Variants in IPO7 observed in about 807,000 individuals in gnomAD.
The protein encoded by IPO7 is importin-7.
IPO7 carries 13 observed loss-of-function variants against 136.4 expected under a neutral mutation model. The observed-to-expected ratio is 0.10, with a 90% confidence interval of 0.06 to 0.15. The LOEUF (loss-of-function observed/expected upper bound fraction) is 0.15. IPO7 is among the 10% of genes least tolerant of loss of function. The pLI, the probability that IPO7 is intolerant of heterozygous loss-of-function variation, is 1.00. For missense variants in IPO7, 857 were observed against 1,240.6 expected, an observed-to-expected ratio of 0.69 and a Z score of 4.65; for synonymous variants, 403 against 404.4, an observed-to-expected ratio of 1.00 and a Z score of 0.04.
At chr11:9,396,449 A>G (rs1182066770) in intron 1 of IPO7, among the ~76,000 whole-genome samples, 1 of 152,214 alleles carries the variant, frequency 6.6e-6, no homozygotes, top group African/African-American at 2.4e-5. Flanking sequence ...CGATTTAACT[A>G]TTCACACATT....
intron 6 of IPO7, among the ~76,000 whole-genome samples, chr11:9,419,559 AATATATATAT>A (rs1244588095): frequency 8.6e-6 from 1 of 116,866 alleles, no homozygotes; most frequent in African/African-American, 3.8e-5. Context: ...AAAAAAAAAA[AATATATATAT>A]ATATATATAT....
chr11:9,437,180 C>T (rs1212971401), intron 20 of IPO7, among the ~76,000 whole-genome samples: 4 of 151,800 alleles, frequency 2.6e-5, no homozygotes, highest in Non-Finnish European at 5.9e-5. Flanking sequence ...AGCCACGTCA[C>T]CCGGCCCACG....
intron 5 of IPO7, among the ~76,000 whole-genome samples, chr11:9,416,293 A>T (rs922418792): frequency 1.3e-5 from 2 of 152,080 alleles, no homozygotes; most frequent in African/African-American, 2.4e-5. Context: ...GGTATCTCCC[A>T]CTCTGAATCT....
Position 9,384,911 on chromosome 11 carries a change from C to T in IPO7, c.84+64C>T, listed in dbSNP as rs1274584535. The T allele has an allele frequency of 6.7e-6, 9 of 1,333,542 alleles. No individual in the cohort carries two copies. The African/African-American group carries it at 7.3e-5, about 11-fold the overall frequency. The allele number at this position is 1,333,542 out of a possible 1,614,324, so 82.6% of individuals were successfully genotyped here. A position where few individuals can be genotyped will look rare whatever the true frequency, so the allele number is the denominator to read the frequency against. On this transcript the variant is annotated intron_variant, in intron 1 of 24. Transcript: ENST00000379719. Reference sequence around the variant, plus strand: ...GTGGGCAGAAGTGGCAGGCCGAGCCCCCGGGGCCTGGCCGGAGGCGCGGAC... The same window carrying T: ...GTGGGCAGAAGTGGCAGGCCGAGCCTCCGGGGCCTGGCCGGAGGCGCGGAC...
Position 9,447,242 on chromosome 11 carries a change from A to G in IPO7, c.*2048A>G, listed in dbSNP as rs1855541757. ...TCTAATAAAGGTTTTAGTTATTCCCATGCACAGTATGAAAATTCTCATTTG... is the reference window on the plus strand; with the variant it reads ...TCTAATAAAGGTTTTAGTTATTCCCGTGCACAGTATGAAAATTCTCATTTG... On this transcript the variant is annotated 3_prime_UTR_variant, in exon 25 of 25. Coordinates refer to ENST00000379719, the MANE Select transcript of IPO7 (RefSeq NM_006391.3). 6.6e-6 allele frequency: 1 copy of G among 152,174 alleles called. No individual in the cohort carries two copies. The allele number at this position is 152,174 out of a possible 1,614,324, so 9.4% of individuals were successfully genotyped here. A position where few individuals can be genotyped will look rare whatever the true frequency, so the allele number is the denominator to read the frequency against.
intron 21 of IPO7, 29 bp from the exon 22 acceptor site, chr11:9,438,051 T>TTTTG: frequency 9.4e-6 from 4 of 424,384 alleles, no homozygotes; most frequent in African/African-American, 3.1e-5. Context: ...AACAGTTTTT[T>TTTTG]TTTTTTTTTT....
chr11:9,389,482 A>G (rs541284527), intron 1 of IPO7, among the ~76,000 whole-genome samples: 46 of 152,328 alleles, frequency 3.0e-4, no homozygotes, highest in African/African-American at 1.1e-3. Flanking sequence ...AGAGAAATTT[A>G]TGATCACTGC....
chr11:9,404,777 A>G (rs1260846838), intron 2 of IPO7, among the ~76,000 whole-genome samples: 3 of 152,012 alleles, frequency 2.0e-5, no homozygotes, highest in Admixed American at 1.3e-4. Flanking sequence ...CGTATTTGCC[A>G]GGATGGTCTC....
chr11:9,411,494 A>G (rs1393807693), intron 4 of IPO7, among the ~76,000 whole-genome samples: 1 of 152,170 alleles, frequency 6.6e-6, no homozygotes, highest in Non-Finnish European at 1.5e-5. Flanking sequence ...TTTAGTGGGT[A>G]GTGAGGAGAC....
chr11:9,387,715 C>G (rs757370610), intron 1 of IPO7, among the ~76,000 whole-genome samples: 7 of 151,490 alleles, frequency 4.6e-5, no homozygotes, highest in Non-Finnish European at 1.0e-4. Flanking sequence ...CTTGTAATCC[C>G]AGCTACTCAG....
intron 1 of IPO7, among the ~76,000 whole-genome samples, chr11:9,399,631 G>C (rs551402095): frequency 1.3e-5 from 2 of 152,254 alleles, no homozygotes; most frequent in South Asian, 4.2e-4. Flanking sequence ...GCTTTGTAAA[G>C]ATAGTGATTG....
At chr11:9,417,347 A>G (rs1171784909) in intron 6 of IPO7, among the ~76,000 whole-genome samples, 199 bp downstream of exon 6, 1 of 152,130 alleles carries the variant, frequency 6.6e-6, no homozygotes, top group Non-Finnish European at 1.5e-5. Context: ...AAAGTTGTAA[A>G]GGGTGTTTTT....
intron 2 of IPO7, among the ~76,000 whole-genome samples, chr11:9,403,759 A>G (rs1224992470): frequency 2.6e-5 from 4 of 152,226 alleles, no homozygotes; most frequent in Non-Finnish European, 5.9e-5. Context: ...GTTCCTGTTC[A>G]ACATATTGAG....
intron 23 of IPO7, among the ~76,000 whole-genome samples, chr11:9,441,853 T>G (rs1031880137): frequency 4.6e-5 from 7 of 152,208 alleles, no homozygotes; most frequent in Admixed American, 3.9e-4. Flanking sequence ...GAGAGATGGA[T>G]CGTAAGAATG....
At chr11:9,426,528 A>C (rs555729869) in intron 12 of IPO7, among the ~76,000 whole-genome samples, 3 of 152,110 alleles carry the variant, frequency 2.0e-5, no homozygotes, top group Non-Finnish European at 2.9e-5. Flanking sequence ...ACCTAGGAGT[A>C]TGAATTGCTT....
intron 2 of IPO7, among the ~76,000 whole-genome samples, chr11:9,405,321 C>G (rs1041188583): frequency 6.6e-6 from 1 of 151,944 alleles, no homozygotes; most frequent in African/African-American, 2.4e-5. Flanking sequence ...ACTATAGGCG[C>G]CCGCCACCAC....
At chr11:9,390,353 TA>T in intron 1 of IPO7, among the ~76,000 whole-genome samples, 1 of 152,234 alleles carries the variant, frequency 6.6e-6, no homozygotes, top group East Asian at 1.9e-4. Context: ...CACAAAAGGT[TA>T]ACTATTACTG....
chr11:9,410,124 G>C, intron 4 of IPO7, 38 bp downstream of exon 4: 4 of 1,382,160 alleles, frequency 2.9e-6, no homozygotes, highest in Non-Finnish European at 3.8e-6. Flanking sequence ...GCTTTGAGAA[G>C]TAGGAAAAGT....
At chr11:9,386,813 A>C (rs944426421) in intron 1 of IPO7, among the ~76,000 whole-genome samples, 1 of 152,222 alleles carries the variant, frequency 6.6e-6, no homozygotes, top group East Asian at 1.9e-4. Flanking sequence ...GAATACTGTC[A>C]AACAGTGAAC....
Sources: gnomAD v4.1 joint callset for allele counts (sites outside exome capture counted in the v4.1 genomes callset) on GRCh38, gnomAD v4.1.1 for gene constraint, MANE v1.5 for transcripts, NCBI Gene and HGNC (gene_info 2026-07-23, HGNC 2026-07-21) for gene names.